ANKS1A: variants seen among roughly 807,000 people sequenced by gnomAD.
ANKS1A encodes the protein ankyrin repeat and sterile alpha motif domain containing 1A.
In ANKS1A, 55 loss-of-function variants were observed where a neutral mutation model predicts 120.3. That is an observed-to-expected ratio of 0.46 (90% CI 0.37 to 0.57). The LOEUF (loss-of-function observed/expected upper bound fraction) is 0.57, where lower values mean the gene tolerates loss of function less well. Ranked by LOEUF, ANKS1A falls within the 20% of genes least tolerant of loss-of-function variation. The pLI is 0.00. For missense variants in ANKS1A, 1,123 were observed against 1,480.3 expected, an observed-to-expected ratio of 0.76 and a Z score of 3.96; for synonymous variants, 590 against 604.7, an observed-to-expected ratio of 0.98 and a Z score of 0.36.
At position 35,086,209 on chromosome 6, in the gene ANKS1A, C is replaced by CA; in HGVS notation, c.3303+274dup. The CA allele has an allele frequency of 1.5e-6, 2 of 1,340,342 alleles. No homozygotes were observed. The highest frequency in any genetic ancestry group is 2.0e-6 in the Non-Finnish European group (2 of 1,000,504). The allele number at this position is 1,340,342 out of a possible 1,614,324, so 83.0% of individuals were successfully genotyped here. A position where few individuals can be genotyped will look rare whatever the true frequency, so the allele number is the denominator to read the frequency against. Reference sequence around the variant, plus strand: ...TCAAGGGGCTGCAGAGAGCGGCCTGCAGGCAGCCCCCAGTAACTGCGCCAT... The same window carrying CA: ...TCAAGGGGCTGCAGAGAGCGGCCTGCAAGGCAGCCCCCAGTAACTGCGCCAT... On this transcript the variant is annotated intron_variant, in intron 22 of 23. Coordinates refer to ENST00000360359, the MANE Select transcript of ANKS1A (RefSeq NM_015245.3). The surrounding 1 kb of genome is among the most constrained non-coding windows in gnomAD (Gnocchi z 5.1).
chr6:35,053,943 C>G (rs1025572865), intron 11 of ANKS1A, among the ~76,000 whole-genome samples, 156 bp from the exon 12 acceptor site: 1 of 152,226 alleles, frequency 6.6e-6, no homozygotes, highest in Non-Finnish European at 1.5e-5. Flanking sequence ...TCTCTTAGAC[C>G]TGAGCAGCAG....
chr6:34,938,589 T>C (rs1171327337), intron 1 of ANKS1A, among the ~76,000 whole-genome samples: 1 of 152,272 alleles, frequency 6.6e-6, no homozygotes, highest in East Asian at 1.9e-4. Context: ...TTTTACTTTT[T>C]ACTTAAGTTT....
intron 1 of ANKS1A, among the ~76,000 whole-genome samples, chr6:34,963,938 C>A (rs1192700182): frequency 6.6e-6 from 1 of 152,142 alleles, no homozygotes. Context: ...CTTTTCAGAT[C>A]TTTTGCCCAA....
chr6:35,031,146 TGTGGA>T (rs1352739390), intron 11 of ANKS1A, among the ~76,000 whole-genome samples: 1 of 152,218 alleles, frequency 6.6e-6, no homozygotes, highest in African/African-American at 2.4e-5. Flanking sequence ...AAAGCGGTTC[TGTGGA>T]GTGGAGGTGT....
intron 10 of ANKS1A, among the ~76,000 whole-genome samples, chr6:35,006,115 G>A (rs976392418): frequency 6.6e-6 from 1 of 151,438 alleles, no homozygotes; most frequent in African/African-American, 2.4e-5. Flanking sequence ...TTGAACCCGG[G>A]AGGCAGAGGT....
chr6:34,921,870 A>AT (rs1233684613), intron 1 of ANKS1A, among the ~76,000 whole-genome samples: 1 of 151,986 alleles, frequency 6.6e-6, no homozygotes, highest in African/African-American at 2.4e-5. Context: ...TAACTAAAAA[A>AT]TTTTTTTGTA....
chr6:35,083,737 C>G (rs1433178241), intron 20 of ANKS1A, among the ~76,000 whole-genome samples: 20 of 152,202 alleles, frequency 1.3e-4, no homozygotes, highest in Admixed American at 1.3e-3. Context: ...GCCTCGCCAC[C>G]TGGGCTCCAC....
intron 13 of ANKS1A, among the ~76,000 whole-genome samples, chr6:35,065,514 G>C (rs752683709): frequency 2.4e-4 from 37 of 152,236 alleles, no homozygotes; most frequent in Non-Finnish European, 4.1e-4. Flanking sequence ...TACTCACTCA[G>C]CCAAACCCCG....
At position 35,058,454 on chromosome 6, in the gene ANKS1A, A is replaced by C. The variant is rs1049693239; in HGVS notation, c.2078-1693A>C. The C allele has an allele frequency of 6.6e-6, 1 of 152,260 alleles. No homozygotes were observed. The highest frequency in any genetic ancestry group is 2.4e-5 in the African/African-American group (1 of 41,458). The allele number at this position is 152,260 out of a possible 1,614,324, so 9.4% of individuals were successfully genotyped here. A position where few individuals can be genotyped will look rare whatever the true frequency, so the allele number is the denominator to read the frequency against. ...GGGCAGGGGAGCTCAAGTATCCCCC[A>C]GACTCGGCATCTTGGAGCGCTGCGG... On this transcript the variant is annotated intron_variant, in intron 12 of 23. Transcript: ENST00000360359. The surrounding 1 kb of genome is among the most constrained non-coding windows in gnomAD (Gnocchi z 5.1).
chr6:35,062,078 G>A (rs573553734), intron 13 of ANKS1A, among the ~76,000 whole-genome samples: 1 of 152,376 alleles, frequency 6.6e-6, no homozygotes, highest in East Asian at 1.9e-4. Flanking sequence ...GAGCAGCTGA[G>A]CAGGCCTTTG....
At chr6:34,994,077 T>G (rs1014501386) in intron 9 of ANKS1A, among the ~76,000 whole-genome samples, 19 of 152,192 alleles carry the variant, frequency 1.2e-4, no homozygotes, top group Non-Finnish European at 2.5e-4. Context: ...GCTCAAGTGA[T>G]CCTCAGAAAG....
chr6:34,932,862 G>T (rs1232504300), intron 1 of ANKS1A, among the ~76,000 whole-genome samples: 1 of 152,198 alleles, frequency 6.6e-6, no homozygotes, highest in African/African-American at 2.4e-5. Context: ...CTCTTGGAGT[G>T]AATTGCTGAG....
At chr6:34,919,386 C>G (rs1308321056) in intron 1 of ANKS1A, among the ~76,000 whole-genome samples, 1 of 152,108 alleles carries the variant, frequency 6.6e-6, no homozygotes. Context: ...ACTTCTCTTC[C>G]CACACTGCTT....
At chr6:35,067,177 G>T (rs1776818204) in intron 13 of ANKS1A, among the ~76,000 whole-genome samples, 1 of 152,222 alleles carries the variant, frequency 6.6e-6, no homozygotes, top group Middle Eastern at 3.4e-3. Flanking sequence ...GGCCATAGTG[G>T]TGAGTATTAG....
At chr6:35,021,174 A>C (rs3800435) in intron 11 of ANKS1A, among the ~76,000 whole-genome samples, 18,183 of 151,794 alleles carry the variant, frequency 0.12, 1,637 homozygotes, top group East Asian at 0.53. Context: ...GCTGCTCCCC[A>C]CCCTATCCCT....
Position 34,889,402 on chromosome 6 carries a change from G to A in ANKS1A, c.-1G>A. 3.1e-6 allele frequency: 4 copies of A among 1,269,862 alleles called. No homozygotes were observed. Among genetic ancestry groups the A allele is most frequent in the Non-Finnish European group, 3.0e-6 (3 of 1,011,250 alleles). 78.7% of individuals were successfully genotyped at this position (1,269,862 alleles called of 1,614,324 possible). A position where few individuals can be genotyped will look rare whatever the true frequency, so the allele number is the denominator to read the frequency against. On this transcript the variant is annotated 5_prime_UTR_variant, in exon 1 of 24. Transcript: ENST00000360359. This position sits in a 1 kb window ranked among gnomAD's most constrained non-coding sequence, Gnocchi z 5.5. ...GGGTCCAGCGGGTGGCGGCCCTGGG[G>A]ATGGGGAAGGAGCAGGAGCTGCTGG... is the stretch of plus-strand genomic sequence containing the variant.
rs1777651242 is a variant in ANKS1A, at chr6:35,081,153, A to G, written c.2704A>G (p.Ile902Val). 3 of 1,608,698 alleles carry G rather than the reference A, an allele frequency of 1.9e-6. No individual in the cohort carries two copies. Among genetic ancestry groups the G allele is most frequent in the South Asian group, 1.1e-5 (1 of 90,886 alleles). ...AAPSRAERFR[I>V]QEEHREAKLT... ...ACCCTCCCGAGCGGAGCGCTTCAGG[A>G]TCCAGGTGGGGCAGGGGGAGTGGAG... The change falls in exon 17 of 24, where the codon ATC becomes GTC. Residue 902 changes from isoleucine (I) to valine (V), a missense_variant. Coordinates refer to ENST00000360359, the MANE Select transcript of ANKS1A (RefSeq NM_015245.3).
At chr6:35,097,761 C>T in the ANKS1A span, among the ~76,000 whole-genome samples, 6 of 149,778 alleles carry the variant, frequency 4.0e-5, no homozygotes, top group African/African-American at 1.5e-4. Flanking sequence ...TAATTCAAGG[C>T]CACTTGGAGA....
At chr6:34,942,590 G>A (rs1769586563) in intron 1 of ANKS1A, among the ~76,000 whole-genome samples, 1 of 152,164 alleles carries the variant, frequency 6.6e-6, no homozygotes, top group Non-Finnish European at 1.5e-5. Flanking sequence ...TGAGAACTGA[G>A]GTCTTGCAGA....
Sources: allele counts gnomAD v4.1 joint callset (sites outside exome capture counted in the v4.1 genomes callset), GRCh38; gene constraint gnomAD v4.1.1; non-coding constraint Gnocchi (gnomAD v3.1); transcripts MANE v1.5; gene names NCBI Gene and HGNC (gene_info 2026-07-23, HGNC 2026-07-21).